SIM2: variants seen among roughly 807,000 people sequenced by gnomAD.
SIM2 encodes single-minded homolog 2.
In SIM2, 28 loss-of-function variants were observed where a neutral mutation model predicts 64.8. The ratio of observed to expected loss-of-function variants is 0.43; its 90% CI spans 0.32 to 0.59. The LOEUF (loss-of-function observed/expected upper bound fraction) is 0.59. SIM2 is among the 20% of genes least tolerant of loss of function. The pLI, the probability that SIM2 is intolerant of heterozygous loss-of-function variation, is 0.07. For missense variants in SIM2, 847 were observed against 871.4 expected (o/e 0.97, Z 0.35); for synonymous variants, 408 against 391.1 (o/e 1.04, Z -0.51).
chr21:36,729,770 T>C (rs2088940978), intron 6 of SIM2, among the ~76,000 whole-genome samples: 1 of 152,172 alleles, frequency 6.6e-6, no homozygotes, highest in Middle Eastern at 3.2e-3. Flanking sequence ...TTCGAGGACA[T>C]GGTGCCCGGC....
chr21:36,730,319 C>A (rs1417890565), intron 6 of SIM2, among the ~76,000 whole-genome samples: 1 of 152,242 alleles, frequency 6.6e-6, no homozygotes, highest in Non-Finnish European at 1.5e-5. Flanking sequence ...AGTTCAGACA[C>A]ATGCCTCAGC....
Position 36,747,771 on chromosome 21 carries a change from C to A in SIM2, c.1683C>A (p.Ala561=), listed in dbSNP as rs1568944189. The change falls in exon 11 of 11, where the codon GCC becomes GCA. Residue 561 remains alanine (A), a synonymous_variant. Transcript: ENST00000290399. This position sits in a 1 kb window ranked among gnomAD's most constrained non-coding sequence, Gnocchi z 4.5. ...EEPALGPAKA[A]RQAARDGARL... ...CCGCGCTGGGCCCGGCCAAAGCCGC[C>A]CGCCAGGCCGCCCGGGACGGGGCGC... is the stretch of plus-strand genomic sequence containing the variant. The A allele has an allele frequency of 1.8e-6, 2 of 1,128,488 alleles. No homozygotes were observed. Among genetic ancestry groups the A allele is most frequent in the Non-Finnish European group, 2.2e-6 (2 of 924,280 alleles). 69.9% of individuals were successfully genotyped at this position (1,128,488 alleles called of 1,614,324 possible).
intron 8 of SIM2, among the ~76,000 whole-genome samples, chr21:36,743,124 TC>T (rs775903954): frequency 1.4e-4 from 22 of 152,170 alleles, no homozygotes; most frequent in Non-Finnish European, 3.1e-4. Context: ...GCCCACGACC[TC>T]CCCGAGCAAT....
intron 1 of SIM2, among the ~76,000 whole-genome samples, chr21:36,702,397 C>G (rs1358311320): frequency 6.6e-6 from 1 of 152,260 alleles, no homozygotes; most frequent in Non-Finnish European, 1.5e-5. Context: ...GGCTTAGTCC[C>G]TCCCTCCTCC....
Position 36,747,991 on chromosome 21 carries a change from G to A in SIM2, c.1903G>A (p.Ala635Thr). 1 of 1,079,952 alleles carries A rather than the reference G, an allele frequency of 9.3e-7. No individual in the cohort carries two copies. The highest frequency in any genetic ancestry group is 1.1e-6 in the Non-Finnish European group (1 of 892,390). The allele number at this position is 1,079,952 out of a possible 1,614,324, so 66.9% of individuals were successfully genotyped here. Residue 635 changes from alanine (A) to threonine (T), a missense_variant, in exon 11 of 11, where the codon GCG (alanine) becomes ACG (threonine). By Grantham distance (58) the Ala-to-Thr change is moderately conservative (BLOSUM62 0). Transcript: ENST00000290399. This position sits in a 1 kb window ranked among gnomAD's most constrained non-coding sequence, Gnocchi z 4.5. ...CGGCGGCCCCGAGGCGGCGACCGGC[G>A]CGCTGCGGCTCCGGCACCCGAGCCC... ...APGGPEAATG[A>T]LRLRHPSPAA...
At chr21:36,727,828 T>A (rs2088912950) in intron 6 of SIM2, among the ~76,000 whole-genome samples, 1 of 152,184 alleles carries the variant, frequency 6.6e-6, no homozygotes, top group Non-Finnish European at 1.5e-5. Flanking sequence ...ATAAAATTGA[T>A]CATTTTAACC....
At position 36,747,960 on chromosome 21, in the gene SIM2, C is replaced by A. The variant is rs2089255986; in HGVS notation, c.1872C>A (p.Cys624Ter). The change falls in exon 11 of 11, where the codon TGC (cysteine) becomes TGA (stop). Residue 624 changes from cysteine (C) to a stop codon, truncating the protein, a stop_gained. Transcript: ENST00000290399. LOFTEE classifies it high-confidence loss of function. The surrounding 1 kb of genome is among the most constrained non-coding windows in gnomAD (Gnocchi z 4.5). ...CACCCGCCGCCTCCGGCCTGGCCTGCGCTCCCGGCGGCCCCGAGGCGGCGA... is the reference window on the plus strand; with the variant it reads ...CACCCGCCGCCTCCGGCCTGGCCTGAGCTCCCGGCGGCCCCGAGGCGGCGA... Reference protein sequence around the residue: ...GAAPAASGLACAPGGPEAATG... With the variant: ...GAAPAASGLA 1 of 1,005,408 alleles carries A rather than the reference C, an allele frequency of 9.9e-7. No individual in the cohort carries two copies. Among genetic ancestry groups the A allele is most frequent in the East Asian group, 1.0e-4 (1 of 9,738 alleles). The allele number at this position is 1,005,408 out of a possible 1,614,324, so 62.3% of individuals were successfully genotyped here. A position where few individuals can be genotyped will look rare whatever the true frequency, so the allele number is the denominator to read the frequency against.
chr21:36,740,672 G>A (rs2089148639), intron 7 of SIM2, among the ~76,000 whole-genome samples: 1 of 152,200 alleles, frequency 6.6e-6, no homozygotes, highest in Non-Finnish European at 1.5e-5. Flanking sequence ...CGGTATGACA[G>A]GAAGGCTGAA....
At chr21:36,709,889 C>G (rs945331819) in intron 2 of SIM2, 3 of 171,878 alleles carry the variant, frequency 1.7e-5, no homozygotes, top group Non-Finnish European at 3.7e-5. Flanking sequence ...AGTGCAATGG[C>G]GCGATCTCGG....
chr21:36,745,055 C>CCT lies in SIM2; in HGVS notation c.1496_1497dup (p.Ser500LeufsTer207). ...GTGGCATTATGCCAACCCCCTAGTG[C>CCT]CTAGCAGCTCGTCTCCAGCTAAAAA... On this transcript the variant is annotated frameshift_variant, in exon 10 of 11. Transcript: ENST00000290399. LOFTEE classifies it high-confidence loss of function. This position sits in a 1 kb window ranked among gnomAD's most constrained non-coding sequence, Gnocchi z 4.8. 1 of 1,613,722 alleles carries CCT rather than the reference C, an allele frequency of 6.2e-7. No individual in the cohort carries two copies. Among genetic ancestry groups the CCT allele is most frequent in the Non-Finnish European group, 8.5e-7 (1 of 1,179,640 alleles).
chr21:36,708,495 C>T (rs1023023991), intron 1 of SIM2, among the ~76,000 whole-genome samples: 2 of 152,208 alleles, frequency 1.3e-5, no homozygotes, highest in Non-Finnish European at 1.5e-5. Flanking sequence ...GTGGCCCATC[C>T]CTCTCTCACC....
chr21:36,719,509 C>A (rs1223414368), intron 3 of SIM2, among the ~76,000 whole-genome samples: 1 of 152,212 alleles, frequency 6.6e-6, no homozygotes, highest in Non-Finnish European at 1.5e-5. Context: ...GCTGCCCAGG[C>A]CAGCAGCGCC....
At chr21:36,703,761 T>G (rs2088539080) in intron 1 of SIM2, among the ~76,000 whole-genome samples, 1 of 152,226 alleles carries the variant, frequency 6.6e-6, no homozygotes, top group South Asian at 2.1e-4. Flanking sequence ...CTCCCCAAAG[T>G]GTGGCCCTCC....
intron 3 of SIM2, among the ~76,000 whole-genome samples, chr21:36,715,273 T>C (rs1468370070): frequency 6.6e-6 from 1 of 152,224 alleles, no homozygotes; most frequent in Non-Finnish European, 1.5e-5. Flanking sequence ...CTAGGCAGAA[T>C]CACAATGTGT....
intron 5 of SIM2, among the ~76,000 whole-genome samples, chr21:36,724,564 C>T (rs894270035): frequency 6.6e-6 from 1 of 152,210 alleles, no homozygotes; most frequent in Non-Finnish European, 1.5e-5. Flanking sequence ...CAGACAGGAG[C>T]CACCGCGCCT....
At chr21:36,741,557 G>A (rs1029810369) in intron 7 of SIM2, among the ~76,000 whole-genome samples, 160 bp from the exon 8 acceptor site, 2 of 152,088 alleles carry the variant, frequency 1.3e-5, no homozygotes, top group African/African-American at 2.4e-5. Context: ...GTGTGTGCAC[G>A]CACGAGACGC....
In SIM2 at chr21:36,745,411, C is replaced by T; in HGVS notation, c.1576+275C>T. 7.6e-7 allele frequency: 1 copy of T among 1,322,440 alleles called. No homozygotes were observed. The highest frequency in any genetic ancestry group is 1.5e-5 in the African/African-American group (1 of 67,258). The allele number at this position is 1,322,440 out of a possible 1,614,324, so 81.9% of individuals were successfully genotyped here. ...ATCTGGCCTTCACGTAAATCCTGGC[C>T]ACATTCACCAACCAAAGGGGGACAG... On this transcript the variant is annotated intron_variant, in intron 10 of 10. Coordinates refer to ENST00000290399, the MANE Select transcript of SIM2 (RefSeq NM_005069.6). The surrounding 1 kb of genome is among the most constrained non-coding windows in gnomAD (Gnocchi z 4.8).
intron 3 of SIM2, among the ~76,000 whole-genome samples, chr21:36,714,167 G>A (rs2123438660): frequency 6.6e-6 from 1 of 152,210 alleles, no homozygotes; most frequent in African/African-American, 2.4e-5. Context: ...AATCATGCAG[G>A]GCCCTTAAGT....
chr21:36,723,205 A>G lies in SIM2; in HGVS notation c.543+75A>G, dbSNP rs556844844. 104 of 1,247,808 alleles carry G rather than the reference A, an allele frequency of 8.3e-5. 2 individuals carry two copies. The South Asian group carries it at 1.2e-3, about 14-fold the overall frequency. 77.3% of individuals were successfully genotyped at this position (1,247,808 alleles called of 1,614,324 possible). ...TGTGTTTTCAAGAGCGTCTGCAGAA[A>G]GGAAGGCACGGGAGCACAAACTCGT... is the stretch of plus-strand genomic sequence containing the variant. On this transcript the variant is annotated intron_variant, in intron 5 of 10. Transcript: ENST00000290399.
Sources: gnomAD v4.1 joint callset for allele counts (sites outside exome capture counted in the v4.1 genomes callset) on GRCh38, gnomAD v4.1.1 for gene constraint, Gnocchi (gnomAD v3.1) non-coding constraint, MANE v1.5 for transcripts, NCBI Gene and HGNC (gene_info 2026-07-23, HGNC 2026-07-21) for gene names.